Variants in SLC35F4 observed in about 807,000 individuals in gnomAD.
SLC35F4 encodes the protein chromosome 14 open reading frame 36.
A neutral mutation model predicts 44.2 loss-of-function variants in SLC35F4; 24 were observed. That is an observed-to-expected ratio of 0.54 (90% CI 0.39 to 0.76). SLC35F4 has a LOEUF of 0.76. Ranked by LOEUF, SLC35F4 falls within the 30% of genes least tolerant of loss-of-function variation. SLC35F4 has a pLI of 0.00. For missense variants in SLC35F4, 562 were observed against 586.1 expected (o/e 0.96, Z 0.42); for synonymous variants, 238 against 223.6 (o/e 1.06, Z -0.57).
chr14:57,890,765 A>G (rs1029236307), intron 1 of SLC35F4, among the ~76,000 whole-genome samples: 2 of 152,248 alleles, frequency 1.3e-5, no homozygotes, highest in Non-Finnish European at 2.9e-5. Context: ...GAAATGAGGC[A>G]TAAAACTGAG....
chr14:57,801,381 A>C (rs2078190092), intron 1 of SLC35F4, among the ~76,000 whole-genome samples: 1 of 152,220 alleles, frequency 6.6e-6, no homozygotes. Context: ...TAAATATGGA[A>C]AGGAAAACCA....
chr14:57,608,791 GGGGGGC>G (rs2071317434), intron 1 of SLC35F4, among the ~76,000 whole-genome samples: 1 of 22,720 alleles, frequency 4.4e-5, no homozygotes, highest in African/African-American at 7.1e-5. Context: ...GATGGCCGGG[GGGGGGC>G]GGCGGGGGGA....
At chr14:57,939,511 T>C (rs1252690979) in intron 1 of SLC35F4, among the ~76,000 whole-genome samples, 4 of 152,200 alleles carry the variant, frequency 2.6e-5, no homozygotes, top group African/African-American at 9.7e-5. Context: ...ACCATGGGTC[T>C]TCCATGTTGC....
intron 1 of SLC35F4, among the ~76,000 whole-genome samples, chr14:57,677,812 A>T (rs1006886197): frequency 2.0e-5 from 3 of 151,226 alleles, no homozygotes; most frequent in African/African-American, 7.3e-5. Context: ...TAAAAAAAAA[A>T]TTATTAATAC....
At chr14:57,631,982 A>G (rs182893949) in intron 1 of SLC35F4, among the ~76,000 whole-genome samples, 1 of 152,292 alleles carries the variant, frequency 6.6e-6, no homozygotes, top group East Asian at 1.9e-4. Context: ...GGCTTTGCCT[A>G]CAAAGAACAA....
intron 1 of SLC35F4, chr14:57,604,275 C>T (rs1482247206): frequency 6.6e-6 from 1 of 152,066 alleles, no homozygotes; most frequent in Non-Finnish European, 1.5e-5. Context: ...TTCAGTTTAA[C>T]CCGAGAAAAC....
At chr14:57,736,247 C>T (rs1287035676) in intron 1 of SLC35F4, among the ~76,000 whole-genome samples, 1 of 152,166 alleles carries the variant, frequency 6.6e-6, no homozygotes, top group Non-Finnish European at 1.5e-5. Flanking sequence ...CTTAGAATTG[C>T]AGCATGTCTC....
At chr14:57,696,554 G>A (rs1304280112) in intron 1 of SLC35F4, among the ~76,000 whole-genome samples, 1 of 152,168 alleles carries the variant, frequency 6.6e-6, no homozygotes, top group Admixed American at 6.5e-5. Context: ...GACCCAGCAA[G>A]CCCATTACTG....
chr14:57,575,698 G>C (rs936520699), intron 4 of SLC35F4, among the ~76,000 whole-genome samples: 2 of 152,246 alleles, frequency 1.3e-5, no homozygotes, highest in Non-Finnish European at 2.9e-5. Flanking sequence ...CAGCATGCCA[G>C]TTGAGTGGCA....
intron 1 of SLC35F4, among the ~76,000 whole-genome samples, chr14:57,745,268 A>G (rs1354699786): frequency 6.6e-6 from 1 of 152,244 alleles, no homozygotes; most frequent in Non-Finnish European, 1.5e-5. Flanking sequence ...CTGCACAGCA[A>G]GAGAAACTAC....
intron 1 of SLC35F4, among the ~76,000 whole-genome samples, chr14:57,708,395 G>A (rs188346429): frequency 6.6e-6 from 1 of 152,244 alleles, no homozygotes; most frequent in African/African-American, 2.4e-5. Flanking sequence ...TAAAACTCTG[G>A]TCTCCCACAC....
chr14:57,773,597 T>C (rs1193622040), intron 1 of SLC35F4, among the ~76,000 whole-genome samples: 1 of 109,596 alleles, frequency 9.1e-6, no homozygotes, highest in Non-Finnish European at 2.0e-5. Flanking sequence ...TCCTGGTCAC[T>C]CAACTTTAAA....
chr14:57,893,926 T>C (rs1888822603), intron 1 of SLC35F4, among the ~76,000 whole-genome samples: 2 of 152,102 alleles, frequency 1.3e-5, no homozygotes, highest in Non-Finnish European at 2.9e-5. Flanking sequence ...ATTTTTACTT[T>C]TCATAGAAAT....
At chr14:57,950,285 C>G (rs1366705210) in intron 1 of SLC35F4, among the ~76,000 whole-genome samples, 1 of 151,930 alleles carries the variant, frequency 6.6e-6, no homozygotes, top group Admixed American at 6.6e-5. Flanking sequence ...TCTTCAAGCT[C>G]TGAAGTTCTT....
intron 1 of SLC35F4, among the ~76,000 whole-genome samples, chr14:57,959,281 A>G (rs765905470): frequency 2.0e-5 from 3 of 152,222 alleles, no homozygotes; most frequent in Non-Finnish European, 4.4e-5. Context: ...CTTCTCACTT[A>G]TGGTAGTAAT....
rs546347042 is a variant in SLC35F4 at position 57,955,484 on chromosome 14, G to A, written n.282+26429C>T. Among the ~76,000 whole-genome samples the A allele has an allele frequency of 1.1e-4, 16 of 152,234 alleles. No individual in the cohort carries two copies. The East Asian group carries it at 2.1e-3, about 20-fold the overall frequency. ...AGAAATAAAGGTATTCAAATAGGAAGAGAGGAAGTCAAATTGTCTCTGTTT... is the reference window on the plus strand; with the variant it reads ...AGAAATAAAGGTATTCAAATAGGAAAAGAGGAAGTCAAATTGTCTCTGTTT... On this transcript the variant is annotated intron_variant and non_coding_transcript_variant, in intron 1 of 1. Transcript: ENST00000556568.
At chr14:57,865,058 A>ACCCCCCCC (rs71104589) in intron 1 of SLC35F4, among the ~76,000 whole-genome samples, 3 of 125,056 alleles carry the variant, frequency 2.4e-5, no homozygotes, top group Non-Finnish European at 5.1e-5. Context: ...CCCTTCTCAG[A>ACCCCCCCC]CCCCCCCCCC....
intron 1 of SLC35F4, among the ~76,000 whole-genome samples, chr14:57,899,164 G>C (rs1164598775): frequency 6.6e-6 from 1 of 152,154 alleles, no homozygotes; most frequent in Admixed American, 6.6e-5. Flanking sequence ...TATAATACTA[G>C]TTATCCTTTT....
chr14:57,583,837 A>T (rs544880557), intron 3 of SLC35F4, among the ~76,000 whole-genome samples: 9 of 152,298 alleles, frequency 5.9e-5, no homozygotes, highest in South Asian at 4.1e-4. Context: ...TGAAAAAAAA[A>T]TATGGATTTT....
Sources: gnomAD v4.1 joint callset for allele counts (sites outside exome capture counted in the v4.1 genomes callset) on GRCh38, gnomAD v4.1.1 for gene constraint, MANE v1.5 for transcripts, NCBI Gene and HGNC (gene_info 2026-07-23, HGNC 2026-07-21) for gene names.